The following USP34 variants were observed in gnomAD, a reference collection of about 807,000 sequenced individuals.
The protein encoded by USP34 is ubiquitin carboxyl-terminal hydrolase 34.
A neutral mutation model predicts 460.3 loss-of-function variants in USP34; 70 were observed. The observed-to-expected ratio is 0.15, with a 90% CI of 0.13 to 0.19. USP34 has a LOEUF of 0.19. USP34 is among the 10% of genes least tolerant of loss of function. USP34 has a pLI of 1.00. For synonymous variants in USP34, 1,647 were observed against 1,405.3 expected (o/e 1.17, Z -3.85); for missense variants, 3,985 against 4,236.2 (o/e 0.94, Z 1.65).
chr2:61,239,077 G>A (rs570794107), intron 53 of USP34, among the ~76,000 whole-genome samples: 5 of 151,760 alleles, frequency 3.3e-5, no homozygotes, highest in East Asian at 1.9e-4. Flanking sequence ...CATATAAGAC[G>A]GCAAACTTAA....
At chr2:61,325,692 T>G (rs1438228439) in intron 20 of USP34, among the ~76,000 whole-genome samples, 2 of 152,108 alleles carry the variant, frequency 1.3e-5, no homozygotes, top group African/African-American at 4.8e-5. Context: ...TCAAATTACA[T>G]AAGAAAGCAC....
intron 10 of USP34, 45 bp downstream of exon 10, chr2:61,370,276 A>G: frequency 6.3e-7 from 1 of 1,578,170 alleles, no homozygotes; most frequent in Non-Finnish European, 8.7e-7. Flanking sequence ...CACTTAGAAC[A>G]TATGATAAGC....
rs573622846 is a variant in USP34 at position 61,430,007 on chromosome 2, A to C, written c.44-9174T>G. ...GGCGGGTGGATCACGAGGTCAGGAG[A>C]TCGAGACCATCCTGGCTAACACGGT... On this transcript the variant is annotated intron_variant, in intron 1 of 79. Coordinates refer to ENST00000398571, the MANE Select transcript of USP34 (RefSeq NM_014709.4). Among the ~76,000 whole-genome samples the C allele has an allele frequency of 5.9e-5, 9 of 152,158 alleles. No homozygotes were observed. In the South Asian group the frequency reaches 1.7e-3, roughly 28 times the overall value.
At chr2:61,465,555 T>C (rs569070034) in intron 1 of USP34, among the ~76,000 whole-genome samples, 10 of 152,290 alleles carry the variant, frequency 6.6e-5, no homozygotes, top group African/African-American at 2.2e-4. Flanking sequence ...TAAAACACAA[T>C]TAACTGGCCA....
chr2:61,278,033 C>T (rs1421223701), intron 41 of USP34, 132 bp downstream of exon 41: 3 of 1,159,690 alleles, frequency 2.6e-6, no homozygotes, highest in South Asian at 1.8e-5. Context: ...TCGAATTAAA[C>T]CCTTTTCTTT....
intron 23 of USP34, among the ~76,000 whole-genome samples, chr2:61,315,270 G>A (rs984223798): frequency 3.3e-5 from 5 of 151,948 alleles, no homozygotes; most frequent in Non-Finnish European, 5.9e-5. Flanking sequence ...ACACAATAAC[G>A]AGCACAATGC....
At chr2:61,386,007 A>AC (rs1693133604) in intron 5 of USP34, among the ~76,000 whole-genome samples, 1 of 151,796 alleles carries the variant, frequency 6.6e-6, no homozygotes. Context: ...CAAAAAAAAA[A>AC]AAAAAAAGAA....
Position 61,278,300 on chromosome 2 carries a change from A to T in USP34, c.5313-15T>A. The stretch of plus-strand genomic sequence containing the variant: ...GGATCTCCCTACTACAAAAAAGAAA[A>T]AAAATACACACAAGCAAGATAGTTC... On this transcript the variant is annotated splice_polypyrimidine_tract_variant and intron_variant, in intron 40 of 79. Coordinates refer to ENST00000398571, the MANE Select transcript of USP34 (RefSeq NM_014709.4). 1 of 1,612,144 alleles carries T rather than the reference A, an allele frequency of 6.2e-7. No individual in the cohort carries two copies. The highest frequency in any genetic ancestry group is 1.3e-5 in the African/African-American group (1 of 74,878).
At chr2:61,406,199 CAAGT>C (rs1320479549) in intron 2 of USP34, 71 bp from the exon 3 acceptor site, 12 of 1,284,456 alleles carry the variant, frequency 9.3e-6, no homozygotes, top group African/African-American at 4.6e-5. Context: ...TATAAAAAAA[CAAGT>C]AAGCAAATAC....
intron 10 of USP34, among the ~76,000 whole-genome samples, chr2:61,351,725 G>A (rs879567742): frequency 1.3e-5 from 2 of 152,060 alleles, no homozygotes; most frequent in South Asian, 2.1e-4. Context: ...AATATAAGGT[G>A]AAATACATGT....
At chr2:61,233,502 G>A (rs1331501251) in intron 57 of USP34, among the ~76,000 whole-genome samples, 2 of 152,126 alleles carry the variant, frequency 1.3e-5, no homozygotes, top group African/African-American at 2.4e-5. Flanking sequence ...GGAGAAAACT[G>A]AACATAGGAT....
chr2:61,350,718 G>A, intron 10 of USP34, 25 bp from the exon 11 acceptor site: 1 of 1,598,120 alleles, frequency 6.3e-7, no homozygotes, highest in Non-Finnish European at 8.5e-7. Context: ...TAGAGAGAAT[G>A]GTCAAAAATA....
intron 41 of USP34, 73 bp downstream of exon 41, chr2:61,278,092 G>A: frequency 6.4e-7 from 1 of 1,557,576 alleles, no homozygotes; most frequent in East Asian, 2.3e-5. Context: ...TGTAAAAACG[G>A]ACTAATACAC....
chr2:61,309,432 C>T (rs1382627613), intron 27 of USP34, among the ~76,000 whole-genome samples: 1 of 152,172 alleles, frequency 6.6e-6, no homozygotes, highest in Non-Finnish European at 1.5e-5. Flanking sequence ...ACAATCACTG[C>T]TGTGCACCAA....
Position 61,347,898 on chromosome 2 carries a change from G to T in USP34, c.2257C>A (p.His753Asn). ...QFIGPQHHHHHHHHHHHHDGH... is the reference protein window; with the variant it reads ...QFIGPQHHHHNHHHHHHHDGH... ...TCGTGGTGGTGGTGATGGTGGTGGT[G>T]GTGGTGGTGATGCTGTGGACCAATA... The change falls in exon 15 of 80, where the codon CAC (histidine) becomes AAC (asparagine). Residue 753 changes from histidine (H) to asparagine (N), a missense_variant. By Grantham distance (68) the His-to-Asn change is moderately conservative (BLOSUM62 1). Transcript: ENST00000398571. 1 of 1,613,714 alleles carries T rather than the reference G, an allele frequency of 6.2e-7. No individual in the cohort carries two copies. Among genetic ancestry groups the T allele is most frequent in the Non-Finnish European group, 8.5e-7 (1 of 1,179,784 alleles).
intron 1 of USP34, among the ~76,000 whole-genome samples, chr2:61,432,115 A>G (rs935317389): frequency 6.6e-6 from 1 of 151,410 alleles, no homozygotes; most frequent in African/African-American, 2.4e-5. Context: ...CCAAGGCAAG[A>G]TTTGCTTGGG....
chr2:61,294,713 C>T (rs1038012578), intron 32 of USP34, among the ~76,000 whole-genome samples: 2 of 152,128 alleles, frequency 1.3e-5, no homozygotes, highest in African/African-American at 4.8e-5. Context: ...AGCCACCATG[C>T]CAGGACTCTC....
chr2:61,443,269 A>G (rs1400815282), intron 1 of USP34, among the ~76,000 whole-genome samples: 1 of 152,146 alleles, frequency 6.6e-6, no homozygotes, highest in East Asian at 1.9e-4. Context: ...TATAGATTCA[A>G]ATAGCTACAA....
chr2:61,413,946 T>C (rs912328181), intron 2 of USP34, among the ~76,000 whole-genome samples: 1 of 145,984 alleles, frequency 6.9e-6, no homozygotes, highest in African/African-American at 2.5e-5. Context: ...ATTAAAAAAA[T>C]TAAAAAAATT....
Sources: allele counts gnomAD v4.1 joint callset (sites outside exome capture counted in the v4.1 genomes callset), GRCh38; gene constraint gnomAD v4.1.1; transcripts MANE v1.5; gene names NCBI Gene and HGNC (gene_info 2026-07-23, HGNC 2026-07-21).